The following ISY1 variants were observed in gnomAD, a reference collection of about 807,000 sequenced individuals.
ISY1 encodes pre-mRNA-splicing factor ISY1 homolog.
Under a neutral mutation model 54.4 loss-of-function variants are expected in ISY1, and 12 were observed. The ratio of observed to expected loss-of-function variants is 0.22; its 90% CI spans 0.14 to 0.36. The LOEUF is 0.36. ISY1 is among the 10% of genes least tolerant of loss of function. The probability of loss-of-function intolerance (pLI) is 1.00; values close to 1 mark genes in which losing one functional copy is unlikely to be tolerated. For missense variants in ISY1, 282 were observed against 342.2 expected (o/e 0.82, Z 1.39); for synonymous variants, 96 against 117.9 (o/e 0.81, Z 1.20).
intron 5 of ISY1, among the ~76,000 whole-genome samples, chr3:129,149,845 G>A (rs1356675182): frequency 7.4e-5 from 11 of 148,380 alleles, no homozygotes; most frequent in African/African-American, 2.5e-4. Context: ...ATGGTGGCAT[G>A]CGTCTGCAGT....
At chr3:129,140,338 A>G (rs1386707645) in intron 7 of ISY1, 30 bp downstream of exon 7, 3 of 1,561,906 alleles carry the variant, frequency 1.9e-6, no homozygotes, top group Non-Finnish European at 2.6e-6. Flanking sequence ...ATTACCAATG[A>G]AAGGCTAAAA....
At chr3:129,151,131 T>A (rs183437356) in intron 5 of ISY1, among the ~76,000 whole-genome samples, 12,002 of 144,628 alleles carry the variant, frequency 0.083, 1,503 homozygotes, top group African/African-American at 0.27. Context: ...CAAAAAAAAA[T>A]ATATATATAT....
At chr3:129,135,028 G>C in intron 7 of ISY1, 74 bp from the exon 8 acceptor site, 1 of 1,512,118 alleles carries the variant, frequency 6.6e-7, no homozygotes, top group South Asian at 1.2e-5. Context: ...CTGATGCAAC[G>C]CTATACACAC....
At chr3:129,138,845 A>AAAGC (rs1936517877) in intron 7 of ISY1, among the ~76,000 whole-genome samples, 1 of 150,766 alleles carries the variant, frequency 6.6e-6, no homozygotes, top group Admixed American at 6.6e-5. Flanking sequence ...AGAAAGAAAG[A>AAAGC]AACTGGAGGG....
chr3:129,152,388 T>G (rs1047501708), intron 5 of ISY1, among the ~76,000 whole-genome samples: 1 of 152,152 alleles, frequency 6.6e-6, no homozygotes, highest in African/African-American at 2.4e-5. Context: ...TGTATTATCC[T>G]TTTTATACAT....
At chr3:129,154,022 C>A (rs902883281) in intron 5 of ISY1, among the ~76,000 whole-genome samples, 2 of 151,730 alleles carry the variant, frequency 1.3e-5, no homozygotes, top group Non-Finnish European at 2.9e-5. Flanking sequence ...GCGGGCGGAT[C>A]ACGAGGTCAG....
chr3:129,128,181 T>G lies in ISY1; in HGVS notation c.*1900A>C, dbSNP rs1033885677. ...AGCCCCCACGATATTCACTCCTGAGTCCCCACCTGCAGGCCCAAGCTGGGT... is the reference window on the plus strand; with the variant it reads ...AGCCCCCACGATATTCACTCCTGAGGCCCCACCTGCAGGCCCAAGCTGGGT... On this transcript the variant is annotated 3_prime_UTR_variant, in exon 11 of 11. Transcript: ENST00000393295. 4.6e-5 allele frequency: 7 copies of G among 152,782 alleles called. No homozygotes were observed. The highest frequency in any genetic ancestry group is 1.7e-4 in the African/African-American group (7 of 41,358). 9.5% of individuals were successfully genotyped at this position (152,782 alleles called of 1,614,324 possible). A position where few individuals can be genotyped will look rare whatever the true frequency, so the allele number is the denominator to read the frequency against.
chr3:129,134,705 G>A (rs1936338916), intron 8 of ISY1, 127 bp downstream of exon 8: 3 of 1,291,712 alleles, frequency 2.3e-6, no homozygotes, highest in Non-Finnish European at 3.1e-6. Flanking sequence ...AGACCATCAC[G>A]CCTGAAGATC....
chr3:129,132,035 T>G (rs1936251197), intron 9 of ISY1, among the ~76,000 whole-genome samples: 2 of 152,082 alleles, frequency 1.3e-5, no homozygotes, highest in Non-Finnish European at 2.9e-5. Flanking sequence ...CTCATTGTGT[T>G]GCCAGACTGG....
At position 129,127,423 on chromosome 3, in the gene ISY1, A is replaced by G. The variant is rs908328571; in HGVS notation, c.*2658T>C. 1.3e-5 allele frequency: 2 copies of G among 152,192 alleles called. No homozygotes were observed. The highest frequency in any genetic ancestry group is 4.8e-5 in the African/African-American group (2 of 41,432). The allele number at this position is 152,192 out of a possible 1,614,324, so 9.4% of individuals were successfully genotyped here. A position where few individuals can be genotyped will look rare whatever the true frequency, so the allele number is the denominator to read the frequency against. ...ACAGGCAGAGCCAAAGCTAAAATAA[A>G]CCATTCAGTAGATTTTATTAACCAA... On this transcript the variant is annotated 3_prime_UTR_variant, in exon 11 of 11. Coordinates refer to ENST00000393295, the MANE Select transcript of ISY1 (RefSeq NM_020701.4).
At chr3:129,152,903 G>T (rs1010175934) in intron 5 of ISY1, among the ~76,000 whole-genome samples, 2 of 151,858 alleles carry the variant, frequency 1.3e-5, no homozygotes, top group Non-Finnish European at 2.9e-5. Flanking sequence ...TGTGGAGTTG[G>T]TATTATTTCT....
chr3:129,136,666 G>A (rs1230941477), intron 7 of ISY1, among the ~76,000 whole-genome samples: 17 of 150,294 alleles, frequency 1.1e-4, no homozygotes, highest in Non-Finnish European at 5.9e-5. Flanking sequence ...ACCACGCCCG[G>A]CTAATTTTGT....
chr3:129,157,027 A>T, intron 3 of ISY1, 107 bp from the exon 4 acceptor site: 1 of 1,266,208 alleles, frequency 7.9e-7, no homozygotes, highest in Non-Finnish European at 1.1e-6. Context: ...GCCTAAAAAC[A>T]TTTGAAGTTT....
At chr3:129,142,572 G>A (rs367806067) in intron 6 of ISY1, among the ~76,000 whole-genome samples, 5 of 152,182 alleles carry the variant, frequency 3.3e-5, no homozygotes, top group Non-Finnish European at 7.3e-5. Context: ...AAAGTTCTCT[G>A]TATATTTTTG....
chr3:129,146,191 AAG>A (rs1576882940), intron 5 of ISY1, among the ~76,000 whole-genome samples: 1 of 152,168 alleles, frequency 6.6e-6, no homozygotes, highest in Non-Finnish European at 1.5e-5. Context: ...ACAAGCTCTT[AAG>A]AGAGATGGGG....
At chr3:129,139,625 C>T (rs1051128987) in intron 7 of ISY1, among the ~76,000 whole-genome samples, 4 of 151,792 alleles carry the variant, frequency 2.6e-5, no homozygotes, top group African/African-American at 9.7e-5. Context: ...TGGATTCACA[C>T]AAAAGTAGCT....
chr3:129,156,717 G>T, intron 4 of ISY1, 42 bp from the exon 5 acceptor site: 1 of 1,568,096 alleles, frequency 6.4e-7, no homozygotes, highest in Non-Finnish European at 8.7e-7. Context: ...TTTTGAATAT[G>T]TTAGAAAGCA....
At chr3:129,130,697 T>C (rs1936214529) in intron 9 of ISY1, 61 bp from the exon 10 acceptor site, 1 of 1,574,920 alleles carries the variant, frequency 6.3e-7, no homozygotes, top group Non-Finnish European at 8.7e-7. Context: ...TGCTGGCAAC[T>C]CTATAAAACA....
At chr3:129,152,301 A>T (rs1936996369) in intron 5 of ISY1, among the ~76,000 whole-genome samples, 1 of 152,172 alleles carries the variant, frequency 6.6e-6, no homozygotes, top group African/African-American at 2.4e-5. Context: ...TCTTCTTTGG[A>T]ATGACACAGT....
Sources: gnomAD v4.1 joint callset for allele counts (sites outside exome capture counted in the v4.1 genomes callset) on GRCh38, gnomAD v4.1.1 for gene constraint, MANE v1.5 for transcripts, NCBI Gene and HGNC (gene_info 2026-07-23, HGNC 2026-07-21) for gene names.